The following DHX57 variants were observed in gnomAD, a reference collection of about 807,000 sequenced individuals.
DHX57 encodes DExH-box helicase 57.
DHX57 carries 105 observed loss-of-function variants against 156.2 expected under a neutral mutation model. The observed-to-expected ratio is 0.67, with a 90% CI of 0.57 to 0.79. The LOEUF (loss-of-function observed/expected upper bound fraction) is 0.79. DHX57 is among the 30% of genes least tolerant of loss of function. DHX57 has a pLI of 0.00. For synonymous variants in DHX57, 704 were observed against 595.6 expected, an observed-to-expected ratio of 1.18 and a Z score of -2.65; for missense variants, 1,847 against 1,661.9, an observed-to-expected ratio of 1.11 and a Z score of -1.94.
chr2:38,848,801 T>C (rs1331943219), intron 9 of DHX57, among the ~76,000 whole-genome samples: 1 of 152,224 alleles, frequency 6.6e-6, no homozygotes, highest in South Asian at 2.1e-4. Flanking sequence ...TTGGTATACA[T>C]TGAACCATCG....
At chr2:38,848,173 T>C (rs1672388438) in intron 10 of DHX57, 96 bp downstream of exon 10, 2 of 1,239,906 alleles carry the variant, frequency 1.6e-6, no homozygotes, top group Non-Finnish European at 2.2e-6. Context: ...ATCGCTTCTC[T>C]AGAAAGAGGT....
chr2:38,864,669 T>C (rs987635805), intron 2 of DHX57, among the ~76,000 whole-genome samples: 1 of 152,180 alleles, frequency 6.6e-6, no homozygotes, highest in African/African-American at 2.4e-5. Context: ...CTATAAGGTC[T>C]ACCCTCTTAA....
intron 13 of DHX57, among the ~76,000 whole-genome samples, chr2:38,837,047 C>T (rs575979561): frequency 2.0e-5 from 3 of 152,160 alleles, no homozygotes; most frequent in Non-Finnish European, 4.4e-5. Flanking sequence ...TGGGGTTTCA[C>T]TATGTTTTCC....
chr2:38,820,525 G>T (rs989534392), intron 17 of DHX57, among the ~76,000 whole-genome samples: 1 of 152,106 alleles, frequency 6.6e-6, no homozygotes, highest in African/African-American at 2.4e-5. Context: ...TAGAAGTCCT[G>T]TTCACAAGGT....
chr2:38,806,780 C>G (rs1572617867), intron 21 of DHX57, 87 bp from the exon 22 acceptor site: 1 of 1,278,670 alleles, frequency 7.8e-7, no homozygotes, highest in African/African-American at 1.5e-5. Context: ...CAAAACCAGT[C>G]TTGCTCAGTC....
At chr2:38,803,124 A>T (rs1253200660) in intron 22 of DHX57, 20 of 185,024 alleles carry the variant, frequency 1.1e-4, no homozygotes, top group South Asian at 7.8e-4. Flanking sequence ...ACTTGTGTTT[A>T]AAAAAAAAAA....
At chr2:38,862,414 T>A in intron 3 of DHX57, 81 bp from the exon 4 acceptor site, 2 of 1,308,910 alleles carry the variant, frequency 1.5e-6, no homozygotes, top group Non-Finnish European at 2.0e-6. Context: ...TCTAAGAATT[T>A]AATTCATAGG....
At chr2:38,872,911 G>A (rs2373472) in intron 1 of DHX57, among the ~76,000 whole-genome samples, 136,682 of 152,150 alleles carry the variant, frequency 0.9, 63,262 homozygotes, top group Non-Finnish European at 1. Flanking sequence ...ACCCAACAAC[G>A]AACTATACAT....
In DHX57 at chr2:38,863,415, T is replaced by G; in HGVS notation, c.329A>C (p.Lys110Thr). The G allele has an allele frequency of 6.2e-7, 1 of 1,614,050 alleles. No homozygotes were observed. The highest frequency in any genetic ancestry group is 8.5e-7 in the Non-Finnish European group (1 of 1,180,018). The stretch of plus-strand genomic sequence containing the variant: ...CAGGTCTCGGAGAAGAGCTTTCACT[T>G]TCTCTTGATTCTCAGAAGTCATATG... ...TLHMTSENQEKVKALLRDLQE... is the reference protein window; with the variant it reads ...TLHMTSENQETVKALLRDLQE... The change falls in exon 3 of 24, where the codon AAA becomes ACA. Residue 110 changes from lysine (K) to threonine (T), a missense_variant. Coordinates refer to ENST00000457308, the MANE Select transcript of DHX57 (RefSeq NM_198963.3).
chr2:38,835,705 C>G (rs1248629828), intron 13 of DHX57, among the ~76,000 whole-genome samples: 1 of 152,188 alleles, frequency 6.6e-6, no homozygotes, highest in Non-Finnish European at 1.5e-5. Context: ...TCATGAAAGT[C>G]TGGAAGGATT....
At chr2:38,839,950 A>C (rs1273531535) in intron 12 of DHX57, among the ~76,000 whole-genome samples, 1 of 152,176 alleles carries the variant, frequency 6.6e-6, no homozygotes, top group African/African-American at 2.4e-5. Flanking sequence ...TTTGTTTTTT[A>C]AAATTATTAT....
At chr2:38,829,719 T>G (rs1002621435) in intron 13 of DHX57, among the ~76,000 whole-genome samples, 2 of 152,150 alleles carry the variant, frequency 1.3e-5, no homozygotes, top group African/African-American at 4.8e-5. Flanking sequence ...ACACCTGACC[T>G]TGACATTCTA....
intron 20 of DHX57, 151 bp from the exon 21 acceptor site, chr2:38,814,046 T>C: frequency 2.7e-6 from 2 of 743,086 alleles, no homozygotes; most frequent in Non-Finnish European, 4.5e-6. Context: ...CAAGCGATTC[T>C]CCTGCCTCAG....
Position 38,861,089 on chromosome 2 carries a change from G to A in DHX57, c.1321C>T (p.Pro441Ser), listed in dbSNP as rs925149668. 1.9e-6 allele frequency: 3 copies of A among 1,614,084 alleles called. No homozygotes were observed. The African/African-American group carries it at 4.0e-5, about 22-fold the overall frequency. ...KYSDPPVNFL[P>S]VPSRTRINNP... ...TTTATTCTGGTCCTAGAGGGTACTG[G>A]CAGAAAGTTCACAGGAGGGTCACTA... The change falls in exon 5 of 24, where the codon CCA becomes TCA. Residue 441 changes from proline (P) to serine (S), a missense_variant. Transcript: ENST00000457308.
chr2:38,836,632 G>C (rs552312303), intron 13 of DHX57, among the ~76,000 whole-genome samples: 3 of 152,072 alleles, frequency 2.0e-5, no homozygotes, highest in South Asian at 2.1e-4. Context: ...AAATTAGCCA[G>C]GCGTGGAGGT....
intron 12 of DHX57, among the ~76,000 whole-genome samples, chr2:38,840,338 T>C (rs1045735198): frequency 5.9e-5 from 9 of 151,960 alleles, no homozygotes; most frequent in Admixed American, 3.3e-4. Context: ...CATTATTTAA[T>C]TTTCTGAAAG....
At chr2:38,862,571 A>C in intron 3 of DHX57, 1 of 336,952 alleles carries the variant, frequency 3.0e-6, no homozygotes, top group East Asian at 4.7e-5. Context: ...CTTCCCAATA[A>C]CTGTACCAAA....
chr2:38,846,230 A>G (rs1286988596), intron 11 of DHX57, among the ~76,000 whole-genome samples: 2 of 152,202 alleles, frequency 1.3e-5, no homozygotes, highest in Non-Finnish European at 2.9e-5. Context: ...CTTTGCAAGT[A>G]TTAATTCATT....
At chr2:38,810,325 C>T in intron 21 of DHX57, 1 of 384,704 alleles carries the variant, frequency 2.6e-6, no homozygotes, top group South Asian at 2.2e-5. Flanking sequence ...CCCCACTACA[C>T]TCTTAGCCAG....
Sources: gnomAD v4.1 joint callset for allele counts (sites outside exome capture counted in the v4.1 genomes callset) on GRCh38, gnomAD v4.1.1 for gene constraint, MANE v1.5 for transcripts, NCBI Gene and HGNC (gene_info 2026-07-23, HGNC 2026-07-21) for gene names.